The following PCED1B variants were observed in gnomAD, a reference collection of about 807,000 sequenced individuals.
PCED1B encodes the protein PC-esterase domain containing 1B, also known as PC-esterase domain-containing protein 1B.
For missense variants in PCED1B, 573 were observed against 573.9 expected (o/e 1.00, Z 0.02); for synonymous variants, 251 against 246.1 (o/e 1.02, Z -0.19).
At chr12:47,086,079 C>A (rs1937967023) in intron 1 of PCED1B, among the ~76,000 whole-genome samples, 1 of 152,090 alleles carries the variant, frequency 6.6e-6, no homozygotes, top group African/African-American at 2.4e-5. Flanking sequence ...GCTGCAATAG[C>A]CATACAAGTC....
intron 2 of PCED1B, among the ~76,000 whole-genome samples, chr12:47,201,672 C>T (rs764456303): frequency 4.0e-5 from 6 of 151,766 alleles, no homozygotes; most frequent in Admixed American, 1.3e-4. Context: ...GATCTTGGCT[C>T]GCTGCAGCCT....
At chr12:47,110,945 G>A (rs181246597) in intron 2 of PCED1B, among the ~76,000 whole-genome samples, 18 of 152,262 alleles carry the variant, frequency 1.2e-4, no homozygotes, top group Admixed American at 5.2e-4. Context: ...ACCATATGCA[G>A]CATGAAAGAA....
chr12:47,233,923 T>C (rs1377722464), intron 3 of PCED1B, among the ~76,000 whole-genome samples: 3 of 152,164 alleles, frequency 2.0e-5, no homozygotes, highest in Non-Finnish European at 2.9e-5. Context: ...TTCAGTCCTA[T>C]TGATGAGAAA....
At chr12:47,127,900 T>C (rs1382485240) in intron 2 of PCED1B, among the ~76,000 whole-genome samples, 3 of 152,170 alleles carry the variant, frequency 2.0e-5, no homozygotes, top group Admixed American at 2.0e-4. Context: ...ATATACTCAC[T>C]GATTTCCTGT....
At chr12:47,101,002 G>A (rs1938681310) in intron 1 of PCED1B, among the ~76,000 whole-genome samples, 1 of 152,080 alleles carries the variant, frequency 6.6e-6, no homozygotes, top group African/African-American at 2.4e-5. Flanking sequence ...CCCGGGAGGT[G>A]GAGGTTGCAG....
intron 2 of PCED1B, among the ~76,000 whole-genome samples, chr12:47,182,938 G>C (rs10881061): frequency 0.25 from 38,657 of 151,946 alleles, 5,538 homozygotes; most frequent in East Asian, 0.55. Flanking sequence ...TGCAAATGGA[G>C]TGTCTTACTG....
intron 2 of PCED1B, among the ~76,000 whole-genome samples, chr12:47,112,946 C>G (rs1939262857): frequency 6.6e-6 from 1 of 152,224 alleles, no homozygotes; most frequent in African/African-American, 2.4e-5. Context: ...TGTGCAAAAG[C>G]AAATGGAATT....
chr12:47,197,018 TA>T lies in PCED1B; in HGVS notation c.-525-19193del, dbSNP rs1229233625. Among the ~76,000 whole-genome samples the T allele has an allele frequency of 5.0e-3, 708 of 142,632 alleles. 1 individual carries two copies. The highest frequency in any genetic ancestry group is 6.1e-3 in the Non-Finnish European group (393 of 64,908). The allele number at this position is 142,632 out of a possible 152,430, so 93.6% of individuals were successfully genotyped here. The stretch of plus-strand genomic sequence containing the variant: ...AAAGTACACAAATTGGCAGTTTATT[TA>T]AAAAAAAAAACAGATGATAGACCAG... On this transcript the variant is annotated intron_variant, in intron 2 of 3. Coordinates refer to ENST00000546455, the MANE Select transcript of PCED1B (RefSeq NM_138371.3).
intron 2 of PCED1B, among the ~76,000 whole-genome samples, chr12:47,183,295 C>G (rs927320895): frequency 2.0e-5 from 3 of 152,178 alleles, no homozygotes; most frequent in African/African-American, 4.8e-5. Context: ...AACTGTCTAT[C>G]TCTTGCTGTC....
intron 2 of PCED1B, among the ~76,000 whole-genome samples, chr12:47,179,262 T>C (rs746692068): frequency 5.9e-5 from 9 of 152,208 alleles, no homozygotes; most frequent in Non-Finnish European, 1.3e-4. Flanking sequence ...AGAAAACTAA[T>C]ATGGAGCTTA....
intron 2 of PCED1B, among the ~76,000 whole-genome samples, chr12:47,182,033 A>C (rs1207996398): frequency 6.6e-6 from 1 of 152,224 alleles, no homozygotes; most frequent in Non-Finnish European, 1.5e-5. Flanking sequence ...AGTCACAAAC[A>C]GTTCTGTTTC....
At chr12:47,184,856 T>C (rs1942205522) in intron 2 of PCED1B, among the ~76,000 whole-genome samples, 1 of 152,298 alleles carries the variant, frequency 6.6e-6, no homozygotes, top group East Asian at 1.9e-4. Context: ...GGGAAAGTTT[T>C]GTGTATGCAT....
intron 1 of PCED1B, among the ~76,000 whole-genome samples, chr12:47,103,614 C>T (rs1173341593): frequency 2.0e-5 from 1 of 49,864 alleles, no homozygotes; most frequent in African/African-American, 6.2e-5. Flanking sequence ...GAAAAATGAA[C>T]CGGTTGTTCT....
At chr12:47,171,864 C>T (rs1451850375) in intron 2 of PCED1B, among the ~76,000 whole-genome samples, 1 of 149,990 alleles carries the variant, frequency 6.7e-6, no homozygotes, top group Non-Finnish European at 1.5e-5. Context: ...TCTTCTTCTT[C>T]TCCTTCTTCT....
At chr12:47,186,089 G>A (rs982671393) in intron 2 of PCED1B, among the ~76,000 whole-genome samples, 4 of 151,846 alleles carry the variant, frequency 2.6e-5, no homozygotes, top group South Asian at 2.1e-4. Context: ...GTGGTGGCAC[G>A]CCCCTGTAAT....
chr12:47,143,683 C>A (rs888134998), intron 2 of PCED1B, among the ~76,000 whole-genome samples: 19 of 152,060 alleles, frequency 1.2e-4, no homozygotes. Context: ...TCAGTGTAAT[C>A]CCTATCAAAA....
chr12:47,188,615 C>T (rs1250079520), intron 2 of PCED1B, among the ~76,000 whole-genome samples: 1 of 152,124 alleles, frequency 6.6e-6, no homozygotes, highest in Non-Finnish European at 1.5e-5. Flanking sequence ...ACCTGAACAT[C>T]CAGAAGTTAA....
Position 47,089,461 on chromosome 12 carries a change from C to CATGTATATATATATGTATATATAT in PCED1B, c.-609+9738_-609+9739insGTATATATATATGTATATATATAT, listed in dbSNP as rs1233280547. On this transcript the variant is annotated intron_variant, in intron 1 of 3. Transcript: ENST00000546455. ...GACTCCATCTCAAAAAAAAAAAATA[C>CATGTATATATATATGTATATATAT]ATATATATATATATATATATATATA... Among the ~76,000 whole-genome samples the CATGTATATATATATGTATATATAT allele has an allele frequency of 1.9e-3, 120 of 63,402 alleles. 4 individuals are homozygous for CATGTATATATATATGTATATATAT. Among genetic ancestry groups the CATGTATATATATATGTATATATAT allele is most frequent in the Middle Eastern group, 0.012 (1 of 86 alleles). The allele number at this position is 63,402 out of a possible 152,430, so 41.6% of individuals were successfully genotyped here. A position where few individuals can be genotyped will look rare whatever the true frequency, so the allele number is the denominator to read the frequency against.
intron 2 of PCED1B, among the ~76,000 whole-genome samples, chr12:47,121,179 G>A (rs940262967): frequency 1.3e-5 from 2 of 152,158 alleles, no homozygotes; most frequent in African/African-American, 4.8e-5. Flanking sequence ...CATTAAAAAT[G>A]AGTGAAAAAA....
Sources: allele counts gnomAD v4.1 joint callset (sites outside exome capture counted in the v4.1 genomes callset), GRCh38; gene constraint gnomAD v4.1.1; transcripts MANE v1.5; gene names NCBI Gene and HGNC (gene_info 2026-07-23, HGNC 2026-07-21).